DMD: variants seen among roughly 807,000 people sequenced by gnomAD.
DMD encodes dystrophin.
In DMD, 63 loss-of-function variants were observed where a neutral mutation model predicts 330.1. That is an observed-to-expected ratio of 0.19 (90% CI 0.16 to 0.24). The LOEUF (loss-of-function observed/expected upper bound fraction) is 0.24, where lower values mean the gene tolerates loss of function less well. DMD is among the 10% of genes least tolerant of loss of function. The pLI, the probability that DMD is intolerant of heterozygous loss-of-function variation, is 1.00. For missense variants in DMD, 3,344 were observed against 2,684.1 expected (o/e 1.25, Z -5.43); for synonymous variants, 1,223 against 959.8 (o/e 1.27, Z -5.07).
intron 9 of DMD, among the ~76,000 whole-genome samples, chrX:32,684,595 G>C (rs1196982940): frequency 9.0e-6 from 1 of 111,254 alleles, no homozygotes; most frequent in Non-Finnish European, 1.9e-5. Context: ...TACAACTTTT[G>C]ATGTTTCCTG....
chrX:31,462,591 CTCTT>C (rs2066602172), intron 59 of DMD, among the ~76,000 whole-genome samples: 1 of 112,022 alleles, frequency 8.9e-6, no homozygotes, highest in South Asian at 3.8e-4. Flanking sequence ...ACTTGCTGGG[CTCTT>C]TCTTCTCCTG....
rs1174264201 is a variant in DMD at position 32,645,151 on chromosome X, T to C, written c.962A>G (p.His321Arg). 1 of 1,210,991 alleles carries C rather than the reference T, an allele frequency of 8.3e-7. No individual in the cohort carries two copies. Among genetic ancestry groups the C allele is most frequent in the Admixed American group, 2.2e-5 (1 of 45,922 alleles). Residue 321 changes from histidine (H) to arginine (R), a missense_variant and splice_region_variant, in exon 10 of 79, where the codon CAT (histidine) becomes CGT (arginine). Coordinates refer to ENST00000357033, the MANE Select transcript of DMD (RefSeq NM_004006.3). ...DPTRSPFPSQ[H>R]LEAPEDKSFG... ...TGACTTGTCTTCAGGAGCTTCCAAA[T>C]GCTGCACAATAAAATAAATTGGGTG...
chrX:32,729,123 G>A (rs192931555), intron 7 of DMD, among the ~76,000 whole-genome samples: 4 of 112,089 alleles, frequency 3.6e-5, no homozygotes, highest in East Asian at 2.8e-4. Flanking sequence ...AATCTGAAAT[G>A]CTACAAAATC....
At chrX:31,594,375 T>A (rs2077017711) in intron 55 of DMD, among the ~76,000 whole-genome samples, 1 of 110,979 alleles carries the variant, frequency 9.0e-6, no homozygotes, top group Non-Finnish European at 1.9e-5. Context: ...CGACTTCTGG[T>A]CTGAAGAATT....
At chrX:32,936,687 T>C (rs920931124) in intron 2 of DMD, among the ~76,000 whole-genome samples, 54 of 112,004 alleles carry the variant, frequency 4.8e-4, no homozygotes, top group African/African-American at 1.6e-3. Flanking sequence ...TAAAGGAAGA[T>C]AATGTGGCAC....
intron 29 of DMD, among the ~76,000 whole-genome samples, chrX:32,435,835 A>T (rs2098259098): frequency 1.8e-5 from 2 of 111,465 alleles, no homozygotes; most frequent in African/African-American, 6.5e-5. Context: ...GACAAGTTCT[A>T]TGGGTACCCA....
chrX:32,917,169 C>A (rs1371055803), intron 2 of DMD, among the ~76,000 whole-genome samples: 9 of 100,069 alleles, frequency 9.0e-5, no homozygotes, highest in Non-Finnish European at 1.6e-4. Flanking sequence ...TCCCCCCCCC[C>A]CACATCCCCC....
intron 55 of DMD, among the ~76,000 whole-genome samples, chrX:31,614,449 G>T (rs2078089837): frequency 1.8e-5 from 2 of 112,182 alleles, no homozygotes; most frequent in African/African-American, 6.5e-5. Context: ...ATGTGACTCA[G>T]ATCATTGTAA....
intron 33 of DMD, among the ~76,000 whole-genome samples, chrX:32,381,207 T>A (rs765784525): frequency 6.3e-5 from 7 of 111,761 alleles, no homozygotes; most frequent in African/African-American, 2.3e-4. Flanking sequence ...GTGTCTCACA[T>A]CTGCTCAAAA....
At chrX:32,747,728 C>A (rs750610025) in intron 7 of DMD, among the ~76,000 whole-genome samples, 1 of 110,772 alleles carries the variant, frequency 9.0e-6, no homozygotes, top group South Asian at 4.0e-4. Flanking sequence ...ATCTGCCTGC[C>A]TTGGCCTCCC....
At chrX:33,060,498 A>C (rs978129337) in intron 1 of DMD, among the ~76,000 whole-genome samples, 1 of 111,496 alleles carries the variant, frequency 9.0e-6, no homozygotes, top group African/African-American at 3.3e-5. Flanking sequence ...TAATAAACAG[A>C]GAGTACCCCA....
At chrX:32,823,226 C>G in intron 5 of DMD, 69 bp downstream of exon 5, 1 of 893,397 alleles carries the variant, frequency 1.1e-6, no homozygotes, top group Non-Finnish European at 1.6e-6. Context: ...TTGTTTCACA[C>G]GTCAAGGGTA....
chrX:32,823,296 T>C lies in DMD; in HGVS notation c.356A>G (p.Gln119Arg). ...GAAACCATTCATCAGGATTCTTACCTGCCAGTGGAGGATTATATTCCAAAT... is the reference window on the plus strand; with the variant it reads ...GAAACCATTCATCAGGATTCTTACCCGCCAGTGGAGGATTATATTCCAAAT... Reference protein sequence around the residue: ...GLIWNIILHWQVKNVMKNIMA... With the variant: ...GLIWNIILHWRVKNVMKNIMA... Residue 119 changes from glutamine (Q) to arginine (R), a missense_variant and splice_region_variant, in exon 5 of 79, where the codon CAG becomes CGG. Gln to Arg is a conservative substitution (Grantham distance 43). Coordinates refer to ENST00000357033, the MANE Select transcript of DMD (RefSeq NM_004006.3). 2 of 1,201,010 alleles carry C rather than the reference T, an allele frequency of 1.7e-6. No homozygotes were observed. The highest frequency in any genetic ancestry group is 2.3e-6 in the Non-Finnish European group (2 of 885,938).
intron 77 of DMD, among the ~76,000 whole-genome samples, chrX:31,128,572 T>A (rs1451820544): frequency 8.9e-6 from 1 of 112,553 alleles, no homozygotes; most frequent in African/African-American, 3.2e-5. Context: ...AATGTAACGA[T>A]GATTCTTTGA....
chrX:32,362,930 C>T lies in DMD; in HGVS notation c.5183G>A (p.Arg1728His), dbSNP rs780599147. 7.4e-6 allele frequency: 9 copies of T among 1,208,456 alleles called. No individual in the cohort carries two copies. The highest frequency in any genetic ancestry group is 1.8e-5 in the South Asian group (1 of 56,750). Residue 1728 changes from arginine to histidine, a missense_variant, in exon 37 of 79, where the codon CGC (arginine) becomes CAC (histidine). Coordinates refer to ENST00000357033, the MANE Select transcript of DMD (RefSeq NM_004006.3). Reference sequence around the variant, plus strand: ...GTCACGTGTAGAGTCCACCTTTGGGCGTATGTCATTCAGTTCTGCCTTTAA... The same window carrying T: ...GTCACGTGTAGAGTCCACCTTTGGGTGTATGTCATTCAGTTCTGCCTTTAA... ...KRLKAELNDI[R>H]PKVDSTRDQA...
chrX:33,264,232 C>T (rs752843715), intron 1 of DMD, among the ~76,000 whole-genome samples: 317 of 110,998 alleles, frequency 2.9e-3, no homozygotes, highest in African/African-American at 0.01. Context: ...GATAATAATT[C>T]TAAAAACAAG....
Position 32,328,773 on chromosome X carries a change from A to G in DMD, c.5922+13327T>C, listed in dbSNP as rs866978729. On this transcript the variant is annotated intron_variant, in intron 41 of 78. Transcript: ENST00000357033. ...AAGGACATTGTAACAAAATGAGAAGAAAGAAAAAGAAAGGCCATTTTAATA... is the reference window on the plus strand; with the variant it reads ...AAGGACATTGTAACAAAATGAGAAGGAAGAAAAAGAAAGGCCATTTTAATA... Among the ~76,000 whole-genome samples the G allele has an allele frequency of 7.2e-5, 8 of 111,695 alleles. No individual in the cohort carries two copies. The South Asian group carries it at 2.6e-3, about 36-fold the overall frequency.
At chrX:32,904,798 A>G (rs1422183826) in intron 2 of DMD, among the ~76,000 whole-genome samples, 2 of 109,985 alleles carry the variant, frequency 1.8e-5, no homozygotes, top group Non-Finnish European at 3.8e-5. Context: ...CTGGTCTTGA[A>G]CTCCTGACCT....
At chrX:32,752,272 G>T (rs2070925956) in intron 7 of DMD, among the ~76,000 whole-genome samples, 1 of 111,428 alleles carries the variant, frequency 9.0e-6, no homozygotes, top group Non-Finnish European at 1.9e-5. Flanking sequence ...AAAAGCCGCA[G>T]GGGCAGAGTG....
Sources: gnomAD v4.1 joint callset for allele counts (sites outside exome capture counted in the v4.1 genomes callset) on GRCh38, gnomAD v4.1.1 for gene constraint, MANE v1.5 for transcripts, NCBI Gene and HGNC (gene_info 2026-07-23, HGNC 2026-07-21) for gene names.